UBE2K: variants seen among roughly 807,000 people sequenced by gnomAD.
The protein encoded by UBE2K is ubiquitin conjugating enzyme E2 K, also known as ubiquitin-conjugating enzyme E2 K.
In UBE2K, 6 loss-of-function variants were observed where a neutral mutation model predicts 30.0. That is an observed-to-expected ratio of 0.20 (90% CI 0.11 to 0.39). The LOEUF (loss-of-function observed/expected upper bound fraction) is 0.39. Ranked by LOEUF, UBE2K falls within the 10% of genes least tolerant of loss-of-function variation. The pLI, the probability that UBE2K is intolerant of heterozygous loss-of-function variation, is 1.00. For missense variants in UBE2K, 61 were observed against 241.6 expected (o/e 0.25, Z 4.96); for synonymous variants, 86 against 83.7 (o/e 1.03, Z -0.15).
Position 39,767,368 on chromosome 4 carries a change from G to A in UBE2K, c.300-7466G>A, listed in dbSNP as rs144454683. Among the ~76,000 whole-genome samples, 320 of 149,852 alleles carry A rather than the reference G, an allele frequency of 2.1e-3. 1 individual carries two copies. The highest frequency in any genetic ancestry group is 0.017 in the South Asian group (80 of 4,776). On this transcript the variant is annotated intron_variant, in intron 4 of 6. Transcript: ENST00000261427. ...TTTTGAGATGGAGTCTGGCTCTGTC[G>A]CCCAGGCTGGAGTGCAGTGATCTTG...
At position 39,698,264 on chromosome 4, in the gene UBE2K, C is replaced by CGGCGGT; in HGVS notation, c.-55_-50dup. 6.7e-7 allele frequency: 1 copy of CGGCGGT among 1,499,436 alleles called. No homozygotes were observed. Among genetic ancestry groups the CGGCGGT allele is most frequent in the South Asian group, 1.2e-5 (1 of 85,122 alleles). The allele number at this position is 1,499,436 out of a possible 1,614,324, so 92.9% of individuals were successfully genotyped here. ...GAGGAGGCGGTGGAGGAAGAGGTGG[C>CGGCGGT]GGCGGTGGCGGTGGTCGTAGCGGTG... On this transcript the variant is annotated 5_prime_UTR_variant, in exon 1 of 7. Coordinates refer to ENST00000261427, the MANE Select transcript of UBE2K (RefSeq NM_005339.5).
At chr4:39,753,510 T>C (rs935738627) in intron 3 of UBE2K, among the ~76,000 whole-genome samples, 1 of 152,204 alleles carries the variant, frequency 6.6e-6, no homozygotes, top group South Asian at 2.1e-4. Context: ...AGATGCTTTA[T>C]TAAGTAGGAT....
chr4:39,771,214 A>C, intron 4 of UBE2K: 1 of 1,612,688 alleles, frequency 6.2e-7, no homozygotes, highest in African/African-American at 1.3e-5. Context: ...TGCACTGTGC[A>C]TCAGGGAGAC....
At position 39,770,620 on chromosome 4, in the gene UBE2K, C is replaced by G. The variant is rs1578504671; in HGVS notation, c.300-4214C>G. ...CCCGGAGTCAACAGCAGGCTCTCCCCTTCTGCGTTCTCCGACAGGCTATAG... is the reference window on the plus strand; with the variant it reads ...CCCGGAGTCAACAGCAGGCTCTCCCGTTCTGCGTTCTCCGACAGGCTATAG... On this transcript the variant is annotated intron_variant, in intron 4 of 6. Coordinates refer to ENST00000261427, the MANE Select transcript of UBE2K (RefSeq NM_005339.5). 3.8e-6 allele frequency: 6 copies of G among 1,596,724 alleles called. No homozygotes were observed. In the African/African-American group the frequency reaches 5.4e-5, roughly 14 times the overall value.
chr4:39,742,644 A>T (rs1051935625), intron 2 of UBE2K, among the ~76,000 whole-genome samples: 1 of 152,156 alleles, frequency 6.6e-6, no homozygotes. Context: ...CAGGAGGCTG[A>T]GGTAGGAGAA....
intron 1 of UBE2K, among the ~76,000 whole-genome samples, chr4:39,734,231 A>G (rs1457950954): frequency 6.6e-6 from 1 of 150,926 alleles, no homozygotes; most frequent in African/African-American, 2.4e-5. Flanking sequence ...TCAACCTCCC[A>G]AGTAGCGGGG....
chr4:39,743,943 A>G (rs967715674), intron 2 of UBE2K, among the ~76,000 whole-genome samples: 5 of 152,108 alleles, frequency 3.3e-5, no homozygotes, highest in African/African-American at 4.8e-5. Flanking sequence ...GCTCATTGCA[A>G]TATCCACCTC....
At chr4:39,703,720 G>A (rs939663662) in intron 1 of UBE2K, among the ~76,000 whole-genome samples, 4 of 151,684 alleles carry the variant, frequency 2.6e-5, no homozygotes, top group Non-Finnish European at 4.4e-5. Context: ...GGTGGTGAGT[G>A]CCTGTAGTCC....
intron 3 of UBE2K, among the ~76,000 whole-genome samples, chr4:39,754,898 T>G (rs77607127): frequency 0.012 from 1,879 of 152,298 alleles, 15 homozygotes; most frequent in Non-Finnish European, 0.019. Flanking sequence ...GTGTCAGAGA[T>G]AGGAATACAA....
At chr4:39,757,462 T>G (rs1449300477) in intron 4 of UBE2K, among the ~76,000 whole-genome samples, 2 of 50,110 alleles carry the variant, frequency 4.0e-5, no homozygotes, top group African/African-American at 2.8e-4. Context: ...TTACAGGTTT[T>G]GTTTTGTTTT....
rs1720782731 is a variant in UBE2K, at chr4:39,742,957, AT to A, written c.158-2792del. Among the ~76,000 whole-genome samples, 5 of 151,114 alleles carry A rather than the reference AT, an allele frequency of 3.3e-5. No homozygotes were observed. The South Asian group carries it at 8.6e-4, about 26-fold the overall frequency. ...GTTACTCAGGAGACTGAGGCACAAG[AT>A]TTGCTGGAACCTGAAAGGTGGAGGT... On this transcript the variant is annotated intron_variant, in intron 2 of 6. Coordinates refer to ENST00000261427, the MANE Select transcript of UBE2K (RefSeq NM_005339.5).
intron 1 of UBE2K, among the ~76,000 whole-genome samples, chr4:39,700,061 A>G (rs1461087694): frequency 6.6e-6 from 1 of 152,166 alleles, no homozygotes; most frequent in Non-Finnish European, 1.5e-5. Context: ...CTTGTTTAAT[A>G]AGGTTGTACA....
In UBE2K at chr4:39,705,773, C is replaced by T. The variant is rs571822408; in HGVS notation, c.63+7383C>T. ...CTCCATCTCAGCTCACTGCAACCTC[C>T]GCCTCCCAGGTTCAACCAATACCTC... On this transcript the variant is annotated intron_variant, in intron 1 of 6. Coordinates refer to ENST00000261427, the MANE Select transcript of UBE2K (RefSeq NM_005339.5). 4.6e-5 allele frequency among the ~76,000 whole-genome samples: 7 copies of T among 152,022 alleles called. 1 individual carries two copies. Among genetic ancestry groups the T allele is most frequent in the African/African-American group, 1.4e-4 (6 of 41,466 alleles).
chr4:39,733,695 C>T (rs1720202931), intron 1 of UBE2K, among the ~76,000 whole-genome samples: 1 of 152,084 alleles, frequency 6.6e-6, no homozygotes, highest in Non-Finnish European at 1.5e-5. Context: ...TACTTCTATC[C>T]AAGAAACTTA....
intron 1 of UBE2K, among the ~76,000 whole-genome samples, chr4:39,717,118 G>A (rs1355982835): frequency 6.6e-6 from 1 of 151,712 alleles, no homozygotes; most frequent in Non-Finnish European, 1.5e-5. Context: ...GGTGAACTTT[G>A]ACTTTGCCAC....
intron 1 of UBE2K, among the ~76,000 whole-genome samples, chr4:39,722,716 A>G (rs1043698236): frequency 1.3e-5 from 2 of 152,132 alleles, no homozygotes; most frequent in Non-Finnish European, 1.5e-5. Context: ...ATAAGACAGC[A>G]GCCCGTGTGG....
intron 4 of UBE2K, among the ~76,000 whole-genome samples, chr4:39,760,419 A>G (rs183609480): frequency 1.2e-4 from 19 of 152,284 alleles, no homozygotes; most frequent in African/African-American, 4.6e-4. Flanking sequence ...CTCATCAACA[A>G]GAAAATTGAT....
chr4:39,754,712 C>T (rs770260060), intron 3 of UBE2K, among the ~76,000 whole-genome samples: 13 of 152,082 alleles, frequency 8.5e-5, no homozygotes, highest in Non-Finnish European at 1.5e-4. Context: ...CACTATGTTG[C>T]CCAGGCTGGT....
chr4:39,759,674 A>G (rs1037159303), intron 4 of UBE2K, among the ~76,000 whole-genome samples: 1 of 152,206 alleles, frequency 6.6e-6, no homozygotes, highest in African/African-American at 2.4e-5. Flanking sequence ...AATGGTGTCT[A>G]CTTACCTGGG....
Sources: gnomAD v4.1 joint callset for allele counts (sites outside exome capture counted in the v4.1 genomes callset) on GRCh38, gnomAD v4.1.1 for gene constraint, MANE v1.5 for transcripts, NCBI Gene and HGNC (gene_info 2026-07-23, HGNC 2026-07-21) for gene names.